Variants in MSH4 observed in about 807,000 individuals in gnomAD.
MSH4 encodes mutS protein homolog 4.
MSH4 carries 106 observed loss-of-function variants against 113.7 expected under a neutral mutation model. The ratio of observed to expected loss-of-function variants is 0.93; its 90% CI spans 0.80 to 1.10. The LOEUF is 1.10. MSH4 is among the 50% of genes least tolerant of loss of function. MSH4 has a pLI of 0.00. For synonymous variants in MSH4, 368 were observed against 380.2 expected (o/e 0.97, Z 0.37); for missense variants, 1,061 against 1,093.7 (o/e 0.97, Z 0.42).
intron 7 of MSH4, among the ~76,000 whole-genome samples, chr1:75,831,372 C>T (rs1003128417): frequency 3.3e-5 from 5 of 151,906 alleles, no homozygotes; most frequent in African/African-American, 1.2e-4. Flanking sequence ...CAACATTAGA[C>T]AGATCGAGAC....
rs768858246 is a variant in MSH4, at chr1:75,880,131, G to A, written c.1759G>A (p.Glu587Lys). 1 of 1,571,780 alleles carries A rather than the reference G, an allele frequency of 6.4e-7. No homozygotes were observed. Among genetic ancestry groups the A allele is most frequent in the Non-Finnish European group, 8.7e-7 (1 of 1,147,030 alleles). ...TGAAAGATGCCAAGAATCTTTGAGAGAAATCTATCACATGACTTATATGTA... is the reference window on the plus strand; with the variant it reads ...TGAAAGATGCCAAGAATCTTTGAGAAAAATCTATCACATGACTTATATGTA... ...MNERCQESLR[E>K]IYHMTYMIVC... Residue 587 changes from glutamate to lysine, a missense_variant, in exon 13 of 20, where the codon GAA becomes AAA. By Grantham distance (56) the Glu-to-Lys change is moderately conservative. Transcript: ENST00000263187.
chr1:75,843,576 C>T (rs1049700455), intron 7 of MSH4, among the ~76,000 whole-genome samples: 9 of 152,134 alleles, frequency 5.9e-5, no homozygotes. Flanking sequence ...AAATAAAACC[C>T]ATCTCATGAG....
At chr1:75,810,957 C>T (rs1650178124) in intron 4 of MSH4, 150 bp downstream of exon 4, 1 of 385,858 alleles carries the variant, frequency 2.6e-6, no homozygotes, top group Non-Finnish European at 4.6e-6. Context: ...CTGCAACCTC[C>T]AGCTCCCGAG....
At chr1:75,857,480 G>A (rs1464203025) in intron 8 of MSH4, among the ~76,000 whole-genome samples, 1 of 152,098 alleles carries the variant, frequency 6.6e-6, no homozygotes, top group Non-Finnish European at 1.5e-5. Context: ...TGTAACGAAG[G>A]GGTCTAGTTT....
intron 1 of MSH4, among the ~76,000 whole-genome samples, chr1:75,799,345 T>A (rs1258165780): frequency 1.3e-5 from 2 of 152,196 alleles, no homozygotes; most frequent in Non-Finnish European, 1.5e-5. Context: ...GTTCAAATTA[T>A]GTTAGCAGCT....
chr1:75,903,541 AT>A (rs937324308), intron 19 of MSH4, among the ~76,000 whole-genome samples: 2 of 151,876 alleles, frequency 1.3e-5, no homozygotes, highest in South Asian at 2.1e-4. Flanking sequence ...AAATTTTAGG[AT>A]TTTTTTCCAC....
At chr1:75,816,655 T>G in intron 6 of MSH4, 109 bp downstream of exon 6, 172 of 420,904 alleles carry the variant, frequency 4.1e-4, no homozygotes, top group Non-Finnish European at 5.2e-4. Flanking sequence ...AGATGGAGTT[T>G]TGCTCTTGTT....
chr1:75,822,435 T>G lies in MSH4; in HGVS notation c.1016T>G (p.Leu339Arg). Residue 339 changes from leucine to arginine, a missense_variant, in exon 7 of 20, where the codon CTA becomes CGA. By Grantham distance (102) the Leu-to-Arg change is moderately radical (BLOSUM62 -2). Transcript: ENST00000263187. Reference sequence around the variant, plus strand: ...AATAATCACACTCTCTTTGGTGTTCTAAATTATACTAAGACTCCTGGAGGG... The same window carrying G: ...AATAATCACACTCTCTTTGGTGTTCGAAATTATACTAAGACTCCTGGAGGG... ...YRNNHTLFGV[L>R]NYTKTPGGSR... 4 of 1,566,648 alleles carry G rather than the reference T, an allele frequency of 2.6e-6. No individual in the cohort carries two copies. Among genetic ancestry groups the G allele is most frequent in the Non-Finnish European group, 3.4e-6 (4 of 1,163,088 alleles).
chr1:75,891,569 G>A (rs897185045), intron 17 of MSH4, among the ~76,000 whole-genome samples: 4 of 151,878 alleles, frequency 2.6e-5, no homozygotes, highest in South Asian at 2.1e-4. Flanking sequence ...TCCTCCTGCC[G>A]CAGCCTCCTG....
At chr1:75,832,644 A>G (rs1451232597) in intron 7 of MSH4, among the ~76,000 whole-genome samples, 2 of 152,122 alleles carry the variant, frequency 1.3e-5, no homozygotes, top group African/African-American at 4.8e-5. Flanking sequence ...CTTTGAAGCA[A>G]TATACGTAAT....
chr1:75,851,952 A>C (rs1355254985), intron 8 of MSH4, among the ~76,000 whole-genome samples: 1 of 152,228 alleles, frequency 6.6e-6, no homozygotes, highest in Non-Finnish European at 1.5e-5. Flanking sequence ...AGAGTTGTAC[A>C]ACCATCACCA....
intron 18 of MSH4, among the ~76,000 whole-genome samples, chr1:75,899,279 GC>G (rs1474771456): frequency 8.5e-5 from 13 of 152,082 alleles, no homozygotes; most frequent in Non-Finnish European, 1.8e-4. Context: ...AAACTCATAT[GC>G]CTTTTGACCT....
At chr1:75,885,057 G>GTATATATATATATATATATATATATA (rs1440064046) in intron 15 of MSH4, among the ~76,000 whole-genome samples, 1 of 114,532 alleles carries the variant, frequency 8.7e-6, no homozygotes, top group African/African-American at 3.9e-5. Flanking sequence ...GTGTGTGTGT[G>GTATATATATATATATATATATATATA]TGTATATATA....
intron 5 of MSH4, among the ~76,000 whole-genome samples, chr1:75,816,009 A>G (rs1199633622): frequency 1.3e-5 from 2 of 152,070 alleles, no homozygotes; most frequent in Non-Finnish European, 2.9e-5. Flanking sequence ...CCCTGTCTCA[A>G]AATAAATAAA....
At chr1:75,886,739 A>G (rs1652129862) in intron 15 of MSH4, among the ~76,000 whole-genome samples, 2 of 137,028 alleles carry the variant, frequency 1.5e-5, no homozygotes, top group South Asian at 2.2e-4. Context: ...ATATATAAAT[A>G]TATTATATAC....
intron 15 of MSH4, among the ~76,000 whole-genome samples, chr1:75,885,894 G>T: frequency 1.6e-5 from 2 of 124,484 alleles, no homozygotes; most frequent in Non-Finnish European, 3.2e-5. Context: ...TATTATATAT[G>T]ATGTATTATT....
At chr1:75,905,508 G>A (rs1424918845) in intron 19 of MSH4, among the ~76,000 whole-genome samples, 1 of 152,046 alleles carries the variant, frequency 6.6e-6, no homozygotes, top group Non-Finnish European at 1.5e-5. Flanking sequence ...ATGATGAGAA[G>A]AATTTGTATT....
At chr1:75,852,268 G>C (rs1245800174) in intron 8 of MSH4, among the ~76,000 whole-genome samples, 1 of 152,008 alleles carries the variant, frequency 6.6e-6, no homozygotes, top group African/African-American at 2.4e-5. Context: ...AACACATTTG[G>C]TTTATCAGTT....
chr1:75,809,172 C>T (rs887165121), intron 3 of MSH4, among the ~76,000 whole-genome samples: 13 of 152,206 alleles, frequency 8.5e-5, no homozygotes, highest in African/African-American at 2.9e-4. Context: ...AATTGCCCCT[C>T]GGGTTCCCAA....
Sources: allele counts gnomAD v4.1 joint callset (sites outside exome capture counted in the v4.1 genomes callset), GRCh38; gene constraint gnomAD v4.1.1; transcripts MANE v1.5; gene names NCBI Gene and HGNC (gene_info 2026-07-23, HGNC 2026-07-21).